Variants in NCALD observed in about 807,000 individuals in gnomAD.
NCALD encodes neurocalcin-delta.
Under a neutral mutation model 18.6 loss-of-function variants are expected in NCALD, and 10 were observed. The ratio of observed to expected loss-of-function variants is 0.54; its 90% CI spans 0.33 to 0.91. The LOEUF (loss-of-function observed/expected upper bound fraction) is 0.91. Among genes scored for constraint, NCALD ranks in the 40% least tolerant of loss-of-function variants. The probability of loss-of-function intolerance (pLI) is 0.03; values close to 1 mark genes in which losing one functional copy is unlikely to be tolerated. For synonymous variants in NCALD, 88 were observed against 87.4 expected (o/e 1.01, Z -0.04); for missense variants, 184 against 247.6 (o/e 0.74, Z 1.72).
At chr8:101,818,376 A>G (rs996852752) in intron 4 of NCALD, among the ~76,000 whole-genome samples, 23 of 152,200 alleles carry the variant, frequency 1.5e-4, no homozygotes, top group Non-Finnish European at 2.8e-4. Flanking sequence ...GGAGGTAAGT[A>G]CCATGATTAC....
At chr8:101,814,507 T>C (rs758248510) in intron 4 of NCALD, among the ~76,000 whole-genome samples, 9 of 152,036 alleles carry the variant, frequency 5.9e-5, no homozygotes, top group Admixed American at 3.9e-4. Context: ...AAAGAATATC[T>C]ACAAAAAACC....
At chr8:101,775,876 A>G (rs537210649) in intron 1 of NCALD, among the ~76,000 whole-genome samples, 59 of 152,260 alleles carry the variant, frequency 3.9e-4, no homozygotes, top group African/African-American at 1.3e-3. Context: ...CTAGCATTTC[A>G]CTGATGGTTG....
At chr8:102,066,365 T>A (rs1201821519) in intron 1 of NCALD, among the ~76,000 whole-genome samples, 1 of 152,252 alleles carries the variant, frequency 6.6e-6, no homozygotes, top group East Asian at 1.9e-4. Context: ...AAGAGAAGGT[T>A]TGTATCTCTA....
At chr8:101,898,680 C>T (rs112518080) in intron 3 of NCALD, among the ~76,000 whole-genome samples, 3 of 152,106 alleles carry the variant, frequency 2.0e-5, no homozygotes, top group African/African-American at 7.2e-5. Flanking sequence ...TTTTGAGTTG[C>T]TTTTTAAGTT....
At chr8:101,881,396 G>T (rs1028976422) in intron 4 of NCALD, among the ~76,000 whole-genome samples, 2 of 152,086 alleles carry the variant, frequency 1.3e-5, no homozygotes, top group African/African-American at 4.8e-5. Context: ...TGATTAAACC[G>T]CCGATAATAT....
intron 2 of NCALD, among the ~76,000 whole-genome samples, chr8:101,986,301 G>A (rs988437332): frequency 2.0e-5 from 3 of 152,198 alleles, no homozygotes; most frequent in African/African-American, 7.2e-5. Context: ...AAAGTGCTGG[G>A]ATTACAGGCG....
intron 1 of NCALD, among the ~76,000 whole-genome samples, chr8:101,746,275 G>C (rs984369181): frequency 2.0e-5 from 3 of 152,188 alleles, no homozygotes; most frequent in Non-Finnish European, 4.4e-5. Context: ...TTGAGTTCCT[G>C]TTCTGTCACT....
intron 3 of NCALD, among the ~76,000 whole-genome samples, chr8:101,896,569 T>A (rs1447408076): frequency 6.6e-6 from 1 of 151,700 alleles, no homozygotes; most frequent in Non-Finnish European, 1.5e-5. Context: ...ACCATCAGAG[T>A]AAACAGGCAA....
chr8:101,962,052 TAAAGC>T (rs1443985430), intron 2 of NCALD, among the ~76,000 whole-genome samples: 1 of 152,048 alleles, frequency 6.6e-6, no homozygotes, highest in Non-Finnish European at 1.5e-5. Flanking sequence ...AAAACACTAT[TAAAGC>T]AAAGGACCAA....
chr8:101,826,232 C>T (rs750433478), intron 4 of NCALD, among the ~76,000 whole-genome samples: 4 of 152,180 alleles, frequency 2.6e-5, no homozygotes, highest in African/African-American at 4.8e-5. Flanking sequence ...GAAGACTGGA[C>T]CCTAGGCGGG....
At chr8:101,941,302 C>T (rs1411342836) in intron 2 of NCALD, among the ~76,000 whole-genome samples, 1 of 152,216 alleles carries the variant, frequency 6.6e-6, no homozygotes, top group African/African-American at 2.4e-5. Flanking sequence ...AAGGAGCATT[C>T]AACCTAGATC....
chr8:101,822,655 C>A (rs935855844), intron 4 of NCALD, among the ~76,000 whole-genome samples: 1 of 152,188 alleles, frequency 6.6e-6, no homozygotes, highest in African/African-American at 2.4e-5. Flanking sequence ...GCTGTTACAG[C>A]AGCAGCAGTA....
At chr8:101,718,911 T>C (rs1816216193) in intron 2 of NCALD, among the ~76,000 whole-genome samples, 1 of 152,224 alleles carries the variant, frequency 6.6e-6, no homozygotes, top group South Asian at 2.1e-4. Flanking sequence ...ATCTGTATGG[T>C]AAAACCTTGG....
At chr8:101,916,565 G>C (rs909576133) in intron 2 of NCALD, among the ~76,000 whole-genome samples, 2 of 152,046 alleles carry the variant, frequency 1.3e-5, no homozygotes, top group African/African-American at 4.8e-5. Context: ...CCACTTAAAA[G>C]GCAGAGAGTA....
intron 1 of NCALD, among the ~76,000 whole-genome samples, chr8:102,087,584 T>C (rs555328019): frequency 6.6e-6 from 1 of 152,292 alleles, no homozygotes; most frequent in South Asian, 2.1e-4. Context: ...GAATCCTTCT[T>C]AAGATTTAGA....
chr8:101,988,558 C>T (rs1417215686), intron 2 of NCALD, among the ~76,000 whole-genome samples: 3 of 152,152 alleles, frequency 2.0e-5, no homozygotes, highest in Non-Finnish European at 2.9e-5. Context: ...TGACAATACA[C>T]GTCAAGTGCT....
At chr8:101,759,632 T>C (rs751348937) in intron 1 of NCALD, among the ~76,000 whole-genome samples, 2 of 151,858 alleles carry the variant, frequency 1.3e-5, no homozygotes, top group Non-Finnish European at 2.9e-5. Flanking sequence ...CAATAAGGAG[T>C]CCTGGGGGCC....
chr8:101,735,714 C>T (rs1450695384), intron 1 of NCALD, among the ~76,000 whole-genome samples: 1 of 152,210 alleles, frequency 6.6e-6, no homozygotes, highest in East Asian at 1.9e-4. Flanking sequence ...TTATCCCCTC[C>T]TTCAGATTCC....
intron 1 of NCALD, among the ~76,000 whole-genome samples, chr8:102,113,607 T>C (rs190099105): frequency 1.2e-4 from 19 of 152,358 alleles, no homozygotes; most frequent in African/African-American, 4.6e-4. Flanking sequence ...AAGTCCCACT[T>C]AAGTAGAATA....
Sources: allele counts gnomAD v4.1 joint callset (sites outside exome capture counted in the v4.1 genomes callset), GRCh38; gene constraint gnomAD v4.1.1; transcripts MANE v1.5; gene names NCBI Gene and HGNC (gene_info 2026-07-23, HGNC 2026-07-21).